The following ZNF385D variants were observed in gnomAD, a reference collection of about 807,000 sequenced individuals.
ZNF385D encodes zinc finger protein 659.
In ZNF385D, 15 loss-of-function variants were observed where a neutral mutation model predicts 35.8. The ratio of observed to expected loss-of-function variants is 0.42; its 90% CI spans 0.28 to 0.64. The LOEUF (loss-of-function observed/expected upper bound fraction) is 0.64, where lower values mean the gene tolerates loss of function less well. ZNF385D is among the 30% of genes least tolerant of loss of function. The probability of loss-of-function intolerance (pLI) is 0.23; values close to 1 mark genes in which losing one functional copy is unlikely to be tolerated. For synonymous variants in ZNF385D, 212 were observed against 186.8 expected, an observed-to-expected ratio of 1.13 and a Z score of -1.10; for missense variants, 474 against 494.6, an observed-to-expected ratio of 0.96 and a Z score of 0.39.
At chr3:22,236,515 C>T (rs1286538903) in intron 2 of ZNF385D, among the ~76,000 whole-genome samples, 1 of 152,040 alleles carries the variant, frequency 6.6e-6, no homozygotes, top group Non-Finnish European at 1.5e-5. Flanking sequence ...TTTTTAATTA[C>T]AGTATTATGC....
At chr3:21,971,464 CA>C (rs139604339) in intron 3 of ZNF385D, among the ~76,000 whole-genome samples, 37,550 of 149,224 alleles carry the variant, frequency 0.25, 5,104 homozygotes, top group East Asian at 0.33. Context: ...AATCTCAAAT[CA>C]AAAAAAATAA....
At chr3:22,089,121 T>C (rs1301788515) in intron 3 of ZNF385D, among the ~76,000 whole-genome samples, 1 of 152,142 alleles carries the variant, frequency 6.6e-6, no homozygotes, top group African/African-American at 2.4e-5. Flanking sequence ...CATGAGTAAA[T>C]TGGCTAGATC....
chr3:21,925,062 G>T (rs1436094019), intron 3 of ZNF385D, among the ~76,000 whole-genome samples: 1 of 152,150 alleles, frequency 6.6e-6, no homozygotes, highest in Non-Finnish European at 1.5e-5. Flanking sequence ...AACACAGTAA[G>T]GATGCCAATT....
intron 2 of ZNF385D, among the ~76,000 whole-genome samples, chr3:22,246,649 A>C (rs972141290): frequency 2.6e-5 from 4 of 152,184 alleles, no homozygotes; most frequent in Non-Finnish European, 4.4e-5. Flanking sequence ...AAACAAAAAG[A>C]AAGCCTTAAG....
chr3:21,658,090 T>C (rs1488512277), intron 2 of ZNF385D, among the ~76,000 whole-genome samples: 1 of 152,032 alleles, frequency 6.6e-6, no homozygotes, highest in Non-Finnish European at 1.5e-5. Flanking sequence ...TAAGTGTACA[T>C]CTAAGCTAAA....
rs765876207 is a variant in ZNF385D at position 21,436,992 on chromosome 3, C to T, written c.651G>A (p.Ser217=). 8.7e-6 allele frequency: 14 copies of T among 1,613,774 alleles called. 1 individual carries two copies. In the Middle Eastern group the frequency reaches 8.3e-4, roughly 95 times the overall value. The change falls in exon 5 of 8, where the codon TCG becomes TCA. Residue 217 remains serine (S), a synonymous_variant. Transcript: ENST00000281523. ...SLCKVAVNSA[S]QLEAHNSGTK... ...CACCACTGTTGTGCGCCTCCAGCTG[C>T]GAGGCAGAGTTGACAGCAACCTTGC...
At chr3:22,325,035 C>T (rs563082675) in intron 2 of ZNF385D, among the ~76,000 whole-genome samples, 17 of 152,240 alleles carry the variant, frequency 1.1e-4, no homozygotes, top group African/African-American at 3.4e-4. Flanking sequence ...TCTAAGTTTG[C>T]TCTGATAATT....
chr3:21,591,690 T>G (rs2063980503), intron 2 of ZNF385D, among the ~76,000 whole-genome samples: 1 of 152,154 alleles, frequency 6.6e-6, no homozygotes, highest in Admixed American at 6.5e-5. Context: ...CAGGAAGCAC[T>G]CCGCTTCTGA....
intron 2 of ZNF385D, among the ~76,000 whole-genome samples, chr3:21,603,015 A>G (rs1486144137): frequency 2.0e-5 from 3 of 152,206 alleles, no homozygotes; most frequent in Non-Finnish European, 4.4e-5. Flanking sequence ...GCCTCTGTCC[A>G]TATCAGGAAA....
intron 2 of ZNF385D, among the ~76,000 whole-genome samples, chr3:21,626,356 A>G (rs936321249): frequency 6.6e-6 from 1 of 152,132 alleles, no homozygotes; most frequent in Non-Finnish European, 1.5e-5. Context: ...TCTTCGCAAA[A>G]AGTCCATATA....
intron 2 of ZNF385D, among the ~76,000 whole-genome samples, chr3:22,280,423 C>T (rs1701677810): frequency 6.7e-6 from 1 of 148,586 alleles, no homozygotes; most frequent in Admixed American, 6.8e-5. Flanking sequence ...ATCTTAAAGT[C>T]TGATCTTAAG....
chr3:21,618,410 G>A (rs960106835), intron 2 of ZNF385D, among the ~76,000 whole-genome samples: 2 of 152,192 alleles, frequency 1.3e-5, no homozygotes, highest in African/African-American at 4.8e-5. Context: ...TTCAGAAGGA[G>A]CCAGTCTTGC....
chr3:21,910,207 A>C lies in ZNF385D; in HGVS notation c.326-245179T>G, dbSNP rs1347279007. Reference sequence around the variant, plus strand: ...AATAGCTATGTGACTCTTGGGCTTCATTCACTGTTTAGTACATTGTTGTTG... The same window carrying C: ...AATAGCTATGTGACTCTTGGGCTTCCTTCACTGTTTAGTACATTGTTGTTG... On this transcript the variant is annotated intron_variant, in intron 3 of 5. Transcript: ENST00000494108. Among the ~76,000 whole-genome samples the C allele has an allele frequency of 1.9e-4, 29 of 151,892 alleles. 1 individual carries two copies. In the Admixed American group the frequency reaches 1.9e-3, roughly 10 times the overall value.
rs181646423 is a variant in ZNF385D, at chr3:21,572,738, C to G, written c.166-8054G>C. Among the ~76,000 whole-genome samples, 1,448 of 152,224 alleles carry G rather than the reference C, an allele frequency of 9.5e-3. 34 individuals carry two copies. The highest frequency in any genetic ancestry group is 0.084 in the East Asian group (435 of 5,176). ...AGAAAAGGTACTACAGCTTTCCACC[C>G]TTGCACAGCAGAAAACCTGGAAAGA... On this transcript the variant is annotated intron_variant, in intron 2 of 7. Coordinates refer to ENST00000281523, the MANE Select transcript of ZNF385D (RefSeq NM_024697.3).
chr3:21,762,042 C>T (rs982130194), intron 3 of ZNF385D, among the ~76,000 whole-genome samples: 9 of 151,668 alleles, frequency 5.9e-5, no homozygotes, highest in African/African-American at 2.2e-4. Flanking sequence ...CCATGCCCAG[C>T]TAATTTTTAT....
intron 3 of ZNF385D, among the ~76,000 whole-genome samples, chr3:21,512,220 A>C (rs904033487): frequency 6.6e-6 from 1 of 150,992 alleles, no homozygotes; most frequent in African/African-American, 2.4e-5. Flanking sequence ...ATTAATGTTT[A>C]TTTCTTGGGG....
intron 3 of ZNF385D, among the ~76,000 whole-genome samples, chr3:22,143,605 T>C (rs1704663495): frequency 6.6e-6 from 1 of 152,204 alleles, no homozygotes; most frequent in African/African-American, 2.4e-5. Flanking sequence ...TTTCTGTGAT[T>C]TGCCTTTAAA....
At chr3:21,992,734 A>T (rs1695222596) in intron 3 of ZNF385D, among the ~76,000 whole-genome samples, 1 of 152,154 alleles carries the variant, frequency 6.6e-6, no homozygotes, top group Non-Finnish European at 1.5e-5. Flanking sequence ...ACATAGCTTT[A>T]AAGTGTTCTA....
chr3:21,580,769 A>G (rs1282433103), intron 2 of ZNF385D, among the ~76,000 whole-genome samples: 1 of 151,108 alleles, frequency 6.6e-6, no homozygotes, highest in African/African-American at 2.4e-5. Context: ...GTACATATAT[A>G]TATCTGAATA....
Sources: allele counts gnomAD v4.1 joint callset (sites outside exome capture counted in the v4.1 genomes callset), GRCh38; gene constraint gnomAD v4.1.1; transcripts MANE v1.5; gene names NCBI Gene and HGNC (gene_info 2026-07-23, HGNC 2026-07-21).